The following RAB3GAP2 variants were observed in gnomAD, a reference collection of about 807,000 sequenced individuals.
RAB3GAP2 encodes the protein RAB3 GTPase activating non-catalytic protein subunit 2, also known as rab3 GTPase-activating protein non-catalytic subunit.
Under a neutral mutation model 185.3 loss-of-function variants are expected in RAB3GAP2, and 87 were observed. The ratio of observed to expected loss-of-function variants is 0.47; its 90% confidence interval spans 0.39 to 0.56. The LOEUF is 0.56. Among genes scored for constraint, RAB3GAP2 ranks in the 20% least tolerant of loss-of-function variants. RAB3GAP2 has a pLI of 0.00. For missense variants in RAB3GAP2, 1,492 were observed against 1,638.2 expected (o/e 0.91, Z 1.54); for synonymous variants, 554 against 576.1 (o/e 0.96, Z 0.55).
intron 21 of RAB3GAP2, among the ~76,000 whole-genome samples, chr1:220,178,971 G>A (rs78318503): frequency 0.01 from 1,565 of 152,100 alleles, 23 homozygotes; most frequent in African/African-American, 0.034. Flanking sequence ...CAACATAAAA[G>A]TGTATACTGC....
intron 1 of RAB3GAP2, among the ~76,000 whole-genome samples, chr1:220,244,501 A>G (rs1482329642): frequency 6.6e-6 from 1 of 152,224 alleles, no homozygotes; most frequent in African/African-American, 2.4e-5. Flanking sequence ...TACACATTCA[A>G]TGCAATTTCC....
chr1:220,196,705 C>T (rs914028682), intron 9 of RAB3GAP2, among the ~76,000 whole-genome samples: 1 of 151,704 alleles, frequency 6.6e-6, no homozygotes, highest in African/African-American at 2.4e-5. Context: ...GTGGTGGGTG[C>T]CTGTAATCTT....
At chr1:220,152,835 T>C (rs1172076583) in intron 33 of RAB3GAP2, among the ~76,000 whole-genome samples, 1 of 152,130 alleles carries the variant, frequency 6.6e-6, no homozygotes. Context: ...GGATTACACG[T>C]GTGAGCCACG....
chr1:220,182,870 T>C lies in RAB3GAP2; in HGVS notation c.2060A>G (p.Glu687Gly). 3 of 1,613,718 alleles carry C rather than the reference T, an allele frequency of 1.9e-6. No individual in the cohort carries two copies. Among genetic ancestry groups the C allele is most frequent in the Non-Finnish European group, 1.7e-6 (2 of 1,179,804 alleles). The change falls in exon 20 of 35, where the codon GAG becomes GGG. Residue 687 changes from glutamate to glycine, a missense_variant. Around this residue, in one of 5 missense-constraint regions of RAB3GAP2, gnomAD observed 681 missense variants for 689.1 expected, o/e 0.99. Transcript: ENST00000358951. ...KELLKLQALL[E>G]KYKQENTRTN... Reference sequence around the variant, plus strand: ...CCTGGTGTTCTCTTGCTTATATTTCTCTAGTAATGCCTGGAGCTTAAGCAG... The same window carrying C: ...CCTGGTGTTCTCTTGCTTATATTTCCCTAGTAATGCCTGGAGCTTAAGCAG...
chr1:220,210,455 T>C lies in RAB3GAP2; in HGVS notation c.545A>G (p.Glu182Gly). 6.2e-7 allele frequency: 1 copy of C among 1,614,108 alleles called. No homozygotes were observed. The highest frequency in any genetic ancestry group is 2.2e-5 in the East Asian group (1 of 44,888). ...GCATTTAAGTTGAAGTACTGGGTCCTCATTCAAAAGCTGTGCAAGCAAGAG... is the reference window on the plus strand; with the variant it reads ...GCATTTAAGTTGAAGTACTGGGTCCCCATTCAAAAGCTGTGCAAGCAAGAG... ...GVLLLAQLLN[E>G]DPVLQLKCRT... Residue 182 changes from glutamate to glycine, a missense_variant, in exon 7 of 35, where the codon GAG becomes GGG. Glu to Gly is a moderately conservative substitution (Grantham distance 98, BLOSUM62 -2). This residue lies in a region of RAB3GAP2 where 243 missense variants were observed against 314.8 expected (regional missense o/e 0.77). Coordinates refer to ENST00000358951, the MANE Select transcript of RAB3GAP2 (RefSeq NM_012414.4).
chr1:220,256,067 A>T (rs1236759193), intron 1 of RAB3GAP2, among the ~76,000 whole-genome samples: 1 of 152,192 alleles, frequency 6.6e-6, no homozygotes, highest in Non-Finnish European at 1.5e-5. Context: ...AACCCATTAG[A>T]CTAACAGCAA....
intron 8 of RAB3GAP2, among the ~76,000 whole-genome samples, chr1:220,202,722 C>T (rs765969458): frequency 8.5e-5 from 13 of 152,128 alleles, no homozygotes; most frequent in Non-Finnish European, 1.6e-4. Flanking sequence ...GCAGGCAGGT[C>T]GCTTGAGGTC....
At chr1:220,186,100 T>C (rs1293589790) in intron 17 of RAB3GAP2, among the ~76,000 whole-genome samples, 2 of 151,520 alleles carry the variant, frequency 1.3e-5, no homozygotes, top group African/African-American at 4.9e-5. Flanking sequence ...AAAGCAGAGG[T>C]TATTGTCATG....
At chr1:220,188,101 T>TG (rs371472654) in intron 17 of RAB3GAP2, among the ~76,000 whole-genome samples, 16 of 140,992 alleles carry the variant, frequency 1.1e-4, no homozygotes, top group East Asian at 1.1e-3. Flanking sequence ...GACTGGTGTG[T>TG]GGGAAAAAAA....
intron 1 of RAB3GAP2, among the ~76,000 whole-genome samples, chr1:220,261,862 A>C (rs1281911290): frequency 6.6e-6 from 1 of 152,206 alleles, no homozygotes; most frequent in Non-Finnish European, 1.5e-5. Context: ...TGATCCTTTT[A>C]GCAGTAAAAG....
intron 2 of RAB3GAP2, chr1:220,219,630 C>T (rs1659264986): frequency 6.6e-6 from 1 of 152,212 alleles, no homozygotes; most frequent in Non-Finnish European, 1.5e-5. Context: ...TCCAGAAGGG[C>T]TGCAGAAATA....
chr1:220,271,345 AAAAAT>A (rs145194826), intron 1 of RAB3GAP2: 53,011 of 150,812 alleles, frequency 0.35, 9,868 homozygotes, highest in African/African-American at 0.47. Flanking sequence ...TTGGAAATGC[AAAAAT>A]AAAATAAAAT....
intron 26 of RAB3GAP2, among the ~76,000 whole-genome samples, chr1:220,165,115 CAA>C (rs912122757): frequency 8.6e-5 from 13 of 150,404 alleles, no homozygotes; most frequent in African/African-American, 3.2e-4. Flanking sequence ...GATTTAAAAA[CAA>C]TAAGCTTACT....
Position 220,170,953 on chromosome 1 carries a change from T to G in RAB3GAP2, c.2745A>C (p.Ser915=), listed in dbSNP as rs1658163441. The G allele has an allele frequency of 6.2e-7, 1 of 1,614,064 alleles. No homozygotes were observed. The highest frequency in any genetic ancestry group is 1.3e-5 in the African/African-American group (1 of 74,940). The change falls in exon 24 of 35, where the codon TCA becomes TCC. Residue 915 remains serine, a synonymous_variant. Coordinates refer to ENST00000358951, the MANE Select transcript of RAB3GAP2 (RefSeq NM_012414.4). ...SKGNTQTSKV[S]SLQAEPLPRL... ...TTGGAAGTGGCTCAGCCTGCAGTGA[T>G]GACACTTTGGAGGTCTGAGTGTTCC... is the stretch of plus-strand genomic sequence containing the variant.
intron 7 of RAB3GAP2, chr1:220,207,588 C>A (rs1046172633): frequency 1.3e-5 from 2 of 152,252 alleles, no homozygotes; most frequent in African/African-American, 4.8e-5. Context: ...CATGTGTTCT[C>A]ACATGACAAG....
chr1:220,267,361 G>GA (rs1231433854), intron 1 of RAB3GAP2: 2 of 1,183,630 alleles, frequency 1.7e-6, no homozygotes, highest in African/African-American at 1.5e-5. Flanking sequence ...TTGGAGGTGG[G>GA]ACTGTATTTC....
At position 220,266,582 on chromosome 1, in the gene RAB3GAP2, A is replaced by C. The variant is rs911470246; in HGVS notation, c.115+5641T>G. On this transcript the variant is annotated intron_variant, in intron 1 of 34. Coordinates refer to ENST00000358951, the MANE Select transcript of RAB3GAP2 (RefSeq NM_012414.4). ...TTAAGGCACACCTGCTCAGTAAAAC[A>C]AATATTTCTTTTAGTGTTCTAGATT... 4.4e-6 allele frequency: 4 copies of C among 906,174 alleles called. No homozygotes were observed. In the South Asian group the frequency reaches 5.5e-5, roughly 12 times the overall value. 56.1% of individuals were successfully genotyped at this position (906,174 alleles called of 1,614,324 possible). A position where few individuals can be genotyped will look rare whatever the true frequency, so the allele number is the denominator to read the frequency against.
chr1:220,160,170 T>C (rs949739102), intron 28 of RAB3GAP2, among the ~76,000 whole-genome samples: 3 of 152,228 alleles, frequency 2.0e-5, no homozygotes, highest in Non-Finnish European at 4.4e-5. Context: ...GTTATATTCC[T>C]AGCCCAGAAA....
rs146337693 is a variant in RAB3GAP2, at chr1:220,202,369, C to G, written c.718G>C (p.Ala240Pro). Residue 240 changes from alanine (A) to proline (P), a missense_variant, in exon 9 of 35, where the codon GCA (alanine) becomes CCA (proline). Physicochemically the swap from Ala to Pro is conservative, Grantham distance 27. Transcript: ENST00000358951. ...GGTTGTATGTTCTCATTGCCTGATG[C>G]TGCAGCTACCAAAGATAAAATAAGA... Reference protein sequence around the residue: ...ACRNQVAKAAASGNENIQPPP... With the variant: ...ACRNQVAKAAPSGNENIQPPP... 23 of 1,612,950 alleles carry G rather than the reference C, an allele frequency of 1.4e-5. No individual in the cohort carries two copies. Among genetic ancestry groups the G allele is most frequent in the African/African-American group, 2.7e-5 (2 of 74,812 alleles).
Sources: allele counts gnomAD v4.1 joint callset (sites outside exome capture counted in the v4.1 genomes callset), GRCh38; gene constraint gnomAD v4.1.1; regional missense constraint gnomAD v4.1.1; transcripts MANE v1.5; gene names NCBI Gene and HGNC (gene_info 2026-07-23, HGNC 2026-07-21).